NSMCE2: variants seen among roughly 807,000 people sequenced by gnomAD.
The protein encoded by NSMCE2 is E3 SUMO-protein ligase NSE2.
Under a neutral mutation model 23.8 loss-of-function variants are expected in NSMCE2, and 24 were observed. That is an observed-to-expected ratio of 1.01 (90% confidence interval 0.73 to 1.42). The LOEUF (loss-of-function observed/expected upper bound fraction) is 1.42. Among genes scored for constraint, NSMCE2 ranks in the 40% most tolerant of loss-of-function variants. The probability of loss-of-function intolerance (pLI) is 0.00; values close to 1 mark genes in which losing one functional copy is unlikely to be tolerated. For missense variants in NSMCE2, 284 were observed against 296.5 expected (o/e 0.96, Z 0.31); for synonymous variants, 92 against 94.1 (o/e 0.98, Z 0.13).
rs1818143758 is a variant in NSMCE2 at position 125,100,622 on chromosome 8, C to T, written c.-110-1429C>T. Among the ~76,000 whole-genome samples, 3 of 151,746 alleles carry T rather than the reference C, an allele frequency of 2.0e-5. No individual in the cohort carries two copies. In the South Asian group the frequency reaches 6.2e-4, roughly 31 times the overall value. ...TGTTGCCCAGGCTGGAGTGCAGTGG[C>T]ATGATCTTGGCTCACTGCAACCTCC... On this transcript the variant is annotated intron_variant, in intron 1 of 7. Transcript: ENST00000287437.
intron 5 of NSMCE2, among the ~76,000 whole-genome samples, chr8:125,258,757 A>G (rs1327524235): frequency 1.3e-5 from 2 of 152,142 alleles, no homozygotes; most frequent in Admixed American, 6.5e-5. Context: ...GGGAGTGGCA[A>G]TGTGATTTGC....
intron 5 of NSMCE2, among the ~76,000 whole-genome samples, chr8:125,247,820 A>G (rs952581494): frequency 1.6e-4 from 24 of 152,204 alleles, no homozygotes; most frequent in African/African-American, 5.5e-4. Context: ...TCAAGAGGAA[A>G]GCCATTTTCA....
chr8:125,133,108 T>A (rs1447694290), intron 3 of NSMCE2, among the ~76,000 whole-genome samples: 1 of 152,172 alleles, frequency 6.6e-6, no homozygotes, highest in Admixed American at 6.5e-5. Context: ...GATTAAAAAA[T>A]TTATTAATTA....
At chr8:125,237,448 GATTGA>G (rs1472758841) in intron 5 of NSMCE2, among the ~76,000 whole-genome samples, 1 of 152,202 alleles carries the variant, frequency 6.6e-6, no homozygotes, top group Non-Finnish European at 1.5e-5. Context: ...ACACCTGCCA[GATTGA>G]GGCAAGCATT....
chr8:125,353,948 T>C (rs1563801981), intron 5 of NSMCE2, among the ~76,000 whole-genome samples: 1 of 151,002 alleles, frequency 6.6e-6, no homozygotes, highest in Non-Finnish European at 1.5e-5. Flanking sequence ...TTGTTTTTTT[T>C]TGAGACGGAG....
chr8:125,236,699 T>C (rs1825570920), intron 5 of NSMCE2, among the ~76,000 whole-genome samples: 2 of 152,322 alleles, frequency 1.3e-5, no homozygotes, highest in South Asian at 4.1e-4. Context: ...CATCATTTAA[T>C]GTGTTTTAAA....
intron 7 of NSMCE2, among the ~76,000 whole-genome samples, chr8:125,362,534 C>T (rs1370192566): frequency 4.6e-5 from 7 of 152,202 alleles, no homozygotes; most frequent in African/African-American, 1.7e-4. Context: ...AAGTGAACTC[C>T]CCAGTCCTTG....
chr8:125,199,944 C>T (rs1240729619), intron 5 of NSMCE2, among the ~76,000 whole-genome samples: 1 of 152,112 alleles, frequency 6.6e-6, no homozygotes, highest in Non-Finnish European at 1.5e-5. Flanking sequence ...CCTTCTTTGT[C>T]TCTTGATCTT....
chr8:125,302,052 A>G (rs913938697), intron 5 of NSMCE2, among the ~76,000 whole-genome samples: 1 of 151,522 alleles, frequency 6.6e-6, no homozygotes, highest in Admixed American at 6.6e-5. Flanking sequence ...TCTGCCTCCC[A>G]GGATCATGTG....
chr8:125,153,715 G>A (rs970536763), intron 4 of NSMCE2, among the ~76,000 whole-genome samples: 1 of 152,068 alleles, frequency 6.6e-6, no homozygotes, highest in Non-Finnish European at 1.5e-5. Context: ...TGAAATTCCT[G>A]CCCTGTGTAT....
chr8:125,130,638 T>C (rs1177931235), intron 3 of NSMCE2, among the ~76,000 whole-genome samples: 1 of 152,194 alleles, frequency 6.6e-6, no homozygotes, highest in East Asian at 1.9e-4. Flanking sequence ...TGACTGCCTC[T>C]AAGCCCTTTC....
At chr8:125,320,233 A>G (rs1357342416) in intron 5 of NSMCE2, among the ~76,000 whole-genome samples, 3 of 20,428 alleles carry the variant, frequency 1.5e-4, no homozygotes, top group Non-Finnish European at 2.4e-4. Flanking sequence ...GGAGGGAGGG[A>G]AGGGAGGGAG....
rs116440547 is a variant in NSMCE2, at chr8:125,167,697, A to G, written c.265-14406A>G. 6.7e-3 allele frequency among the ~76,000 whole-genome samples: 1,019 copies of G among 151,942 alleles called. 13 individuals carry two copies. The highest frequency in any genetic ancestry group is 0.023 in the African/African-American group (950 of 41,438). On this transcript the variant is annotated intron_variant, in intron 4 of 7. Coordinates refer to ENST00000287437, the MANE Select transcript of NSMCE2 (RefSeq NM_173685.4). ...CTATGGAAGAAATTATGCTAAAGGG[A>G]TGGGAATAGTTTAGGCTAGACTTGG...
intron 5 of NSMCE2, among the ~76,000 whole-genome samples, chr8:125,345,143 G>T (rs1419541384): frequency 6.6e-6 from 1 of 152,070 alleles, no homozygotes; most frequent in South Asian, 2.1e-4. Context: ...GTGATCGGGG[G>T]CGTAGATGGT....
intron 5 of NSMCE2, among the ~76,000 whole-genome samples, chr8:125,302,536 A>G (rs1405722264): frequency 2.0e-5 from 3 of 152,176 alleles, no homozygotes; most frequent in African/African-American, 7.2e-5. Flanking sequence ...TGGGGTGAGA[A>G]TTGAGAGAAG....
chr8:125,221,274 C>G (rs942070460), intron 5 of NSMCE2, among the ~76,000 whole-genome samples: 4 of 152,200 alleles, frequency 2.6e-5, no homozygotes, highest in African/African-American at 9.7e-5. Context: ...GAGACAAGAT[C>G]TCACTTTGTC....
chr8:125,243,902 A>G (rs528648773), intron 5 of NSMCE2, among the ~76,000 whole-genome samples: 1 of 152,170 alleles, frequency 6.6e-6, no homozygotes, highest in Non-Finnish European at 1.5e-5. Context: ...CATCTTTGTC[A>G]CTGAAAGACT....
intron 5 of NSMCE2, among the ~76,000 whole-genome samples, chr8:125,258,760 T>C (rs1455277544): frequency 6.6e-6 from 1 of 152,118 alleles, no homozygotes; most frequent in Non-Finnish European, 1.5e-5. Flanking sequence ...AGTGGCAATG[T>C]GATTTGCTTC....
At chr8:125,163,615 C>A (rs1821732146) in intron 4 of NSMCE2, among the ~76,000 whole-genome samples, 1 of 152,182 alleles carries the variant, frequency 6.6e-6, no homozygotes, top group East Asian at 1.9e-4. Context: ...TGACTACCCC[C>A]CTGCCCCACA....
Sources: allele counts gnomAD v4.1 joint callset (sites outside exome capture counted in the v4.1 genomes callset), GRCh38; gene constraint gnomAD v4.1.1; transcripts MANE v1.5; gene names NCBI Gene and HGNC (gene_info 2026-07-23, HGNC 2026-07-21).